The following ODAD2 variants were observed in gnomAD, a reference collection of about 807,000 sequenced individuals.
The protein encoded by ODAD2 is outer dynein arm-docking complex subunit 2.
Under a neutral mutation model 106.8 loss-of-function variants are expected in ODAD2, and 89 were observed. The ratio of observed to expected loss-of-function variants is 0.83; its 90% CI spans 0.70 to 0.99. ODAD2 has a LOEUF of 0.99. ODAD2 is among the 50% of genes least tolerant of loss of function. The pLI, the probability that ODAD2 is intolerant of heterozygous loss-of-function variation, is 0.00. For missense variants in ODAD2, 1,168 were observed against 1,238.5 expected (o/e 0.94, Z 0.85); for synonymous variants, 404 against 436.2 (o/e 0.93, Z 0.92).
At chr10:27,829,403 T>C (rs1837309419) in intron 19 of ODAD2, among the ~76,000 whole-genome samples, 2 of 152,230 alleles carry the variant, frequency 1.3e-5, no homozygotes, top group African/African-American at 2.4e-5. Flanking sequence ...AACCTCATTC[T>C]CAAGGCCTCC....
At chr10:27,882,124 C>T (rs868320692) in intron 17 of ODAD2, among the ~76,000 whole-genome samples, 9 of 149,896 alleles carry the variant, frequency 6.0e-5, no homozygotes, top group Non-Finnish European at 1.0e-4. Flanking sequence ...AGCCACAATT[C>T]CCCATAGCAC....
chr10:27,863,221 C>T (rs1840188412), intron 17 of ODAD2, among the ~76,000 whole-genome samples: 1 of 152,176 alleles, frequency 6.6e-6, no homozygotes, highest in Non-Finnish European at 1.5e-5. Flanking sequence ...TTCAGGCACA[C>T]CACAGCCTTC....
At chr10:27,823,476 T>C (rs7081305) in intron 19 of ODAD2, among the ~76,000 whole-genome samples, 95,376 of 152,044 alleles carry the variant, frequency 0.63, 32,943 homozygotes, top group Non-Finnish European at 0.79. Context: ...GTATGTGACC[T>C]GAGGTAACTC....
intron 19 of ODAD2, among the ~76,000 whole-genome samples, chr10:27,821,548 C>T (rs994774256): frequency 1.3e-5 from 2 of 152,160 alleles, no homozygotes; most frequent in Admixed American, 6.5e-5. Context: ...CTAGCAAATA[C>T]TCGCACAACA....
At chr10:27,813,933 C>T (rs1835931246) in intron 19 of ODAD2, among the ~76,000 whole-genome samples, 1 of 152,084 alleles carries the variant, frequency 6.6e-6, no homozygotes, top group Non-Finnish European at 1.5e-5. Context: ...AATAACTCTT[C>T]AATAAATGGC....
intron 19 of ODAD2, among the ~76,000 whole-genome samples, chr10:27,856,569 C>G (rs1427461305): frequency 1.3e-5 from 2 of 152,116 alleles, no homozygotes; most frequent in African/African-American, 4.8e-5. Flanking sequence ...CTTAATACCC[C>G]CTGCTGAATT....
rs752631264 is a variant in ODAD2, at chr10:27,860,768, C to T, written c.2878G>A (p.Gly960Ser). 39 of 1,614,102 alleles carry T rather than the reference C, an allele frequency of 2.4e-5. No individual in the cohort carries two copies. The highest frequency in any genetic ancestry group is 2.3e-5 in the Non-Finnish European group (27 of 1,180,008). The part of the protein sequence containing the change: ...CMWGRNRVAF[G>S]EHKAVAPLVR... ...AGTGGAGCCACTGCTTTGTGCTCAC[C>T]GAAGGCCACTCTATTCCTGCCCCAC... The change falls in exon 19 of 20, where the codon GGT becomes AGT. Residue 960 changes from glycine to serine, a missense_variant. Transcript: ENST00000305242.
At chr10:27,897,973 C>T (rs984906778) in intron 17 of ODAD2, among the ~76,000 whole-genome samples, 1 of 151,692 alleles carries the variant, frequency 6.6e-6, no homozygotes, top group African/African-American at 2.4e-5. Context: ...AAAGAAAGCC[C>T]ATGTGAGAAT....
At chr10:27,932,623 T>C (rs1312441382) in intron 16 of ODAD2, among the ~76,000 whole-genome samples, 1 of 152,224 alleles carries the variant, frequency 6.6e-6, no homozygotes, top group Non-Finnish European at 1.5e-5. Flanking sequence ...AGGTTCTCCA[T>C]GTTGGCTACT....
intron 9 of ODAD2, among the ~76,000 whole-genome samples, chr10:27,966,023 C>G (rs1247765200): frequency 2.0e-5 from 3 of 152,140 alleles, no homozygotes; most frequent in Admixed American, 2.0e-4. Flanking sequence ...CTTTTCTGTT[C>G]TATTCCATTT....
chr10:27,880,416 T>C (rs959294296), intron 17 of ODAD2, among the ~76,000 whole-genome samples: 1 of 152,202 alleles, frequency 6.6e-6, no homozygotes, highest in Admixed American at 6.5e-5. Context: ...TTCAAGACAG[T>C]GGTTCTCAAA....
intron 16 of ODAD2, among the ~76,000 whole-genome samples, chr10:27,927,786 T>C (rs147236969): frequency 8.3e-4 from 126 of 152,228 alleles, no homozygotes; most frequent in African/African-American, 3.0e-3. Flanking sequence ...ACAGAGACTT[T>C]TTCTTCATTC....
chr10:27,999,618 C>A (rs1356665566), upstream of ODAD2, among the ~76,000 whole-genome samples: 3 of 151,674 alleles, frequency 2.0e-5, no homozygotes, highest in Middle Eastern at 3.4e-3. Flanking sequence ...AGACACCCTA[C>A]CAGCAAGAGC....
At chr10:27,850,632 A>C (rs887153428) in intron 19 of ODAD2, among the ~76,000 whole-genome samples, 1 of 152,056 alleles carries the variant, frequency 6.6e-6, no homozygotes, top group African/African-American at 2.4e-5. Context: ...ACTTTCTATA[A>C]ATTTATTCTC....
intron 17 of ODAD2, among the ~76,000 whole-genome samples, chr10:27,884,689 G>A (rs1439706613): frequency 6.6e-6 from 1 of 152,156 alleles, no homozygotes; most frequent in Non-Finnish European, 1.5e-5. Context: ...GGAGACTGCA[G>A]ACTCACAGAC....
intron 16 of ODAD2, among the ~76,000 whole-genome samples, chr10:27,932,474 G>T (rs541931050): frequency 6.6e-6 from 1 of 152,194 alleles, no homozygotes; most frequent in Non-Finnish European, 1.5e-5. Context: ...GTCACAGAAA[G>T]ATTAAAAGAT....
chr10:27,950,503 G>T (rs1366314553), intron 10 of ODAD2, among the ~76,000 whole-genome samples: 1 of 152,174 alleles, frequency 6.6e-6, no homozygotes, highest in Non-Finnish European at 1.5e-5. Context: ...TCAGACTCAG[G>T]TTGTTGTATT....
intron 14 of ODAD2, among the ~76,000 whole-genome samples, chr10:27,937,773 C>T (rs7092221): frequency 9.6e-4 from 146 of 152,286 alleles, no homozygotes; most frequent in Non-Finnish European, 1.8e-3. Flanking sequence ...TGTTTATCTT[C>T]TGCACGTGAT....
chr10:27,846,155 T>C lies in ODAD2; in HGVS notation c.3021+14470A>G, dbSNP rs200461898. Among the ~76,000 whole-genome samples, 23 of 152,312 alleles carry C rather than the reference T, an allele frequency of 1.5e-4. No homozygotes were observed. The East Asian group carries it at 4.1e-3, about 27-fold the overall frequency. ...GCACCACATCGTACTTATTCCAAAA[T>C]TGACCACATAGTTGGAAGTAAAGCA... On this transcript the variant is annotated intron_variant, in intron 19 of 19. Coordinates refer to ENST00000305242, the MANE Select transcript of ODAD2 (RefSeq NM_018076.5).
Sources: allele counts gnomAD v4.1 joint callset (sites outside exome capture counted in the v4.1 genomes callset), GRCh38; gene constraint gnomAD v4.1.1; transcripts MANE v1.5; gene names NCBI Gene and HGNC (gene_info 2026-07-23, HGNC 2026-07-21).